The following FHL5 variants were observed in gnomAD, a reference collection of about 807,000 sequenced individuals.
FHL5 encodes four and a half LIM domains 5, also known as four and a half LIM domains protein 5.
A neutral mutation model predicts 32.0 loss-of-function variants in FHL5; 33 were observed. The observed-to-expected ratio is 1.03, with a 90% CI of 0.78 to 1.38. The LOEUF (loss-of-function observed/expected upper bound fraction) is 1.38. Ranked by LOEUF, FHL5 falls within the 40% of genes most tolerant of loss-of-function variation. FHL5 has a pLI of 0.00. For synonymous variants in FHL5, 114 were observed against 113.6 expected (o/e 1.00, Z -0.02); for missense variants, 336 against 343.9 (o/e 0.98, Z 0.18).
rs1771510756 is a variant in FHL5, at chr6:96,615,906, A to G, written c.*134A>G. ...TTAGAGTGGAAAAGTTTTTGCACAC[A>G]TTTTGATCGAACTATATTCTAAGCA... On this transcript the variant is annotated 3_prime_UTR_variant, in exon 6 of 6. Coordinates refer to ENST00000450218, the MANE Select transcript of FHL5 (RefSeq NM_001322466.2). The G allele has an allele frequency of 3.1e-6, 2 of 655,502 alleles. No individual in the cohort carries two copies. The highest frequency in any genetic ancestry group is 2.5e-5 in the South Asian group (1 of 39,974). 40.6% of individuals were successfully genotyped at this position (655,502 alleles called of 1,614,324 possible).
intron 1 of FHL5, among the ~76,000 whole-genome samples, chr6:96,595,790 T>G (rs985455135): frequency 6.6e-6 from 1 of 152,014 alleles, no homozygotes; most frequent in African/African-American, 2.4e-5. Flanking sequence ...ATCTGCCTAG[T>G]CATTTTTATT....
At chr6:96,612,446 G>A (rs894127061) in intron 5 of FHL5, among the ~76,000 whole-genome samples, 3 of 152,132 alleles carry the variant, frequency 2.0e-5, no homozygotes, top group African/African-American at 7.2e-5. Context: ...GATCCAGATG[G>A]CTAATACTGA....
At chr6:96,615,567 C>CT (rs1184413429) in intron 5 of FHL5, 42 bp from the exon 6 acceptor site, 1 of 1,526,694 alleles carries the variant, frequency 6.6e-7, no homozygotes, top group Non-Finnish European at 8.9e-7. Flanking sequence ...CAATCTGTTC[C>CT]TTGAAAGGAT....
At chr6:96,613,269 C>A (rs1340296696) in intron 5 of FHL5, among the ~76,000 whole-genome samples, 1 of 152,126 alleles carries the variant, frequency 6.6e-6, no homozygotes, top group Non-Finnish European at 1.5e-5. Context: ...TTAAAAAGCT[C>A]TGAGAAATCT....
At chr6:96,598,161 C>T (rs992773542) in intron 1 of FHL5, among the ~76,000 whole-genome samples, 4 of 152,278 alleles carry the variant, frequency 2.6e-5, no homozygotes, top group Admixed American at 1.3e-4. Flanking sequence ...GCTGCCACCA[C>T]GAGTACTGCC....
Position 96,606,088 on chromosome 6 carries a change from G to A in FHL5, c.504+17G>A. 1.2e-6 allele frequency: 2 copies of A among 1,607,680 alleles called. No homozygotes were observed. The highest frequency in any genetic ancestry group is 1.7e-6 in the Non-Finnish European group (2 of 1,175,036). On this transcript the variant is annotated intron_variant, in intron 4 of 5. Coordinates refer to ENST00000450218, the MANE Select transcript of FHL5 (RefSeq NM_001322466.2). ...TGTAAGAAGGTAATTTTCTAAAGAGGGTGAAGCTTGTGGAAACTCAGACTA... is the reference window on the plus strand; with the variant it reads ...TGTAAGAAGGTAATTTTCTAAAGAGAGTGAAGCTTGTGGAAACTCAGACTA...
intron 1 of FHL5, among the ~76,000 whole-genome samples, chr6:96,594,234 TATA>T (rs1770983899): frequency 3.6e-5 from 1 of 28,162 alleles, no homozygotes; most frequent in Non-Finnish European, 1.0e-4. Context: ...AATTTATATA[TATA>T]TATATATATA....
intron 4 of FHL5, among the ~76,000 whole-genome samples, chr6:96,607,300 T>TA (rs1235488195): frequency 6.6e-6 from 1 of 151,858 alleles, no homozygotes; most frequent in African/African-American, 2.4e-5. Flanking sequence ...AAGTATTTTT[T>TA]ATCTGTGGGT....
chr6:96,586,693 T>C (rs1182832723), intron 1 of FHL5, among the ~76,000 whole-genome samples: 1 of 152,042 alleles, frequency 6.6e-6, no homozygotes, highest in African/African-American at 2.4e-5. Flanking sequence ...AAGGAAAAAA[T>C]TAATCCTTTG....
chr6:96,594,677 T>C (rs565489037), intron 1 of FHL5, among the ~76,000 whole-genome samples: 1 of 152,116 alleles, frequency 6.6e-6, no homozygotes, highest in African/African-American at 2.4e-5. Context: ...TTGATTTGGG[T>C]TTAAAATGTA....
rs1422009566 is a variant in FHL5 at position 96,617,179 on chromosome 6, C to G, written c.*1407C>G. ...ACTTGGGACAAATGGAAAGCAACCTCTGCTCTCCATGATCTGTTTTCACAT... is the reference window on the plus strand; with the variant it reads ...ACTTGGGACAAATGGAAAGCAACCTGTGCTCTCCATGATCTGTTTTCACAT... On this transcript the variant is annotated 3_prime_UTR_variant, in exon 6 of 6. Coordinates refer to ENST00000450218, the MANE Select transcript of FHL5 (RefSeq NM_001322466.2). Among the ~76,000 whole-genome samples the G allele has an allele frequency of 6.6e-6, 1 of 152,168 alleles. No homozygotes were observed. The highest frequency in any genetic ancestry group is 6.6e-5 in the Admixed American group (1 of 15,234).
chr6:96,581,461 CA>C (rs1770695179), intron 1 of FHL5, among the ~76,000 whole-genome samples: 1 of 152,126 alleles, frequency 6.6e-6, no homozygotes, highest in Admixed American at 6.6e-5. Context: ...TATCTTATGC[CA>C]CCTAAATACC....
chr6:96,599,937 C>T (rs893369395), intron 1 of FHL5, among the ~76,000 whole-genome samples: 37 of 152,246 alleles, frequency 2.4e-4, no homozygotes, highest in African/African-American at 3.4e-4. Flanking sequence ...CCCTCAGGTG[C>T]GGATTCCTGA....
At chr6:96,591,996 A>G (rs1418466731) in intron 1 of FHL5, among the ~76,000 whole-genome samples, 1 of 152,116 alleles carries the variant, frequency 6.6e-6, no homozygotes, top group Non-Finnish European at 1.5e-5. Context: ...AGAATATCAC[A>G]AGGCAAATGG....
intron 4 of FHL5, among the ~76,000 whole-genome samples, chr6:96,607,821 A>T (rs1279908501): frequency 5.6e-5 from 8 of 143,920 alleles, no homozygotes; most frequent in Non-Finnish European, 7.6e-5. Flanking sequence ...TGTCTGTATA[A>T]AAAAAAAAAA....
chr6:96,565,341 C>A (rs1406250483), intron 1 of FHL5, among the ~76,000 whole-genome samples: 4 of 152,150 alleles, frequency 2.6e-5, no homozygotes, highest in Admixed American at 2.6e-4. Context: ...TTTGAAGTGT[C>A]ATTCATACTG....
At chr6:96,592,547 G>A (rs558210465) in intron 1 of FHL5, among the ~76,000 whole-genome samples, 1 of 152,098 alleles carries the variant, frequency 6.6e-6, no homozygotes, top group Non-Finnish European at 1.5e-5. Flanking sequence ...ATCCTCCTCA[G>A]CTTACGAGAT....
intron 1 of FHL5, among the ~76,000 whole-genome samples, chr6:96,600,489 T>C (rs1195554573): frequency 6.6e-6 from 1 of 152,122 alleles, no homozygotes; most frequent in African/African-American, 2.4e-5. Context: ...TTTTCTTCAT[T>C]CCTTTATTCC....
chr6:96,581,180 G>A (rs1478916774), intron 1 of FHL5, among the ~76,000 whole-genome samples: 2 of 152,038 alleles, frequency 1.3e-5, no homozygotes, highest in African/African-American at 2.4e-5. Context: ...TTTCCCTGAA[G>A]CCATTGAATT....
Sources: gnomAD v4.1 joint callset for allele counts (sites outside exome capture counted in the v4.1 genomes callset) on GRCh38, gnomAD v4.1.1 for gene constraint, MANE v1.5 for transcripts, NCBI Gene and HGNC (gene_info 2026-07-23, HGNC 2026-07-21) for gene names.